Variants in MECOM observed in about 807,000 individuals in gnomAD.
The protein encoded by MECOM is histone-lysine N-methyltransferase MECOM.
A neutral mutation model predicts 116.3 loss-of-function variants in MECOM; 13 were observed. The observed-to-expected ratio is 0.11, with a 90% CI of 0.07 to 0.18. The LOEUF is 0.18. Ranked by LOEUF, MECOM falls within the 10% of genes least tolerant of loss-of-function variation. MECOM has a pLI of 1.00. For synonymous variants in MECOM, 528 were observed against 535.2 expected, an observed-to-expected ratio of 0.99 and a Z score of 0.19; for missense variants, 1,299 against 1,509.0, an observed-to-expected ratio of 0.86 and a Z score of 2.31.
intron 1 of MECOM, among the ~76,000 whole-genome samples, chr3:169,417,975 G>A (rs1409593431): frequency 2.1e-5 from 3 of 146,144 alleles, no homozygotes; most frequent in African/African-American, 7.5e-5. Flanking sequence ...GGGGAGCGGG[G>A]AGGGATAGCA....
At chr3:169,121,011 GA>G in intron 7 of MECOM, 44 bp downstream of exon 7, 1 of 1,554,158 alleles carries the variant, frequency 6.4e-7, no homozygotes, top group Non-Finnish European at 8.7e-7. Context: ...GCCTTTTGGG[GA>G]AGAGACAGAT....
At chr3:169,328,655 T>C (rs1281903825) in intron 2 of MECOM, among the ~76,000 whole-genome samples, 1 of 152,212 alleles carries the variant, frequency 6.6e-6, no homozygotes, top group Non-Finnish European at 1.5e-5. Context: ...GAATTAAATG[T>C]TGTAGAAAAA....
chr3:169,540,027 A>T (rs988549297), intron 1 of MECOM, among the ~76,000 whole-genome samples: 3 of 152,122 alleles, frequency 2.0e-5, no homozygotes, highest in Non-Finnish European at 4.4e-5. Flanking sequence ...AAATGTCTGC[A>T]TGCCAGACTT....
chr3:169,433,414 G>A (rs999496961), intron 1 of MECOM, among the ~76,000 whole-genome samples: 2 of 151,980 alleles, frequency 1.3e-5, no homozygotes, highest in African/African-American at 2.4e-5. Flanking sequence ...GTTGCAGTGA[G>A]CAGAGATCAC....
At chr3:169,268,451 G>A (rs1403417755) in intron 2 of MECOM, among the ~76,000 whole-genome samples, 2 of 152,132 alleles carry the variant, frequency 1.3e-5, no homozygotes, top group Non-Finnish European at 2.9e-5. Flanking sequence ...CTTCTTATAA[G>A]CCTCCAATGA....
At chr3:169,171,374 T>G (rs1048697503) in intron 2 of MECOM, among the ~76,000 whole-genome samples, 2 of 152,194 alleles carry the variant, frequency 1.3e-5, no homozygotes, top group African/African-American at 4.8e-5. Context: ...CCTTTATTCT[T>G]GTTAAAGACA....
At chr3:169,415,136 A>G (rs1266115592) in intron 1 of MECOM, among the ~76,000 whole-genome samples, 4 of 152,210 alleles carry the variant, frequency 2.6e-5, no homozygotes, top group Non-Finnish European at 4.4e-5. Context: ...CCAGAGAGAA[A>G]GGTCAGGTTA....
chr3:169,544,363 CT>C (rs1474796684), intron 1 of MECOM, among the ~76,000 whole-genome samples: 1 of 152,186 alleles, frequency 6.6e-6, no homozygotes, highest in African/African-American at 2.4e-5. Flanking sequence ...AGGCATACTT[CT>C]TTGGGTATAT....
intron 1 of MECOM, among the ~76,000 whole-genome samples, chr3:169,574,481 C>T (rs548647496): frequency 9.9e-5 from 15 of 152,204 alleles, no homozygotes; most frequent in South Asian, 6.2e-4. Context: ...GAAATTTAGC[C>T]GATGCAAAAC....
intron 1 of MECOM, among the ~76,000 whole-genome samples, chr3:169,453,873 T>C (rs1435313888): frequency 2.6e-5 from 4 of 151,968 alleles, no homozygotes; most frequent in Non-Finnish European, 5.9e-5. Flanking sequence ...AAAGCATGCT[T>C]GTGGCAAGAG....
intron 2 of MECOM, among the ~76,000 whole-genome samples, chr3:169,203,140 T>G (rs1749417200): frequency 6.6e-6 from 1 of 152,156 alleles, no homozygotes; most frequent in Non-Finnish European, 1.5e-5. Flanking sequence ...CGCCATTGAT[T>G]AAAACTACAG....
intron 2 of MECOM, among the ~76,000 whole-genome samples, chr3:169,283,446 A>G (rs1712594435): frequency 6.6e-6 from 1 of 152,222 alleles, no homozygotes. Context: ...TTGTATAATA[A>G]GAAAAAAATA....
intron 4 of MECOM, among the ~76,000 whole-genome samples, chr3:169,129,087 C>T (rs1733844117): frequency 6.6e-6 from 1 of 152,024 alleles, no homozygotes; most frequent in Admixed American, 6.6e-5. Context: ...TACTTTAGTC[C>T]AAGAATTCTT....
chr3:169,610,570 C>A (rs143459382), intron 1 of MECOM, among the ~76,000 whole-genome samples: 1 of 151,322 alleles, frequency 6.6e-6, no homozygotes, highest in East Asian at 1.9e-4. Flanking sequence ...AGCACAGAGG[C>A]GTCAAACAAT....
intron 11 of MECOM, among the ~76,000 whole-genome samples, chr3:169,101,571 G>GC (rs1723555951): frequency 6.3e-5 from 1 of 15,978 alleles, no homozygotes; most frequent in South Asian, 2.5e-3. Context: ...AATTTATTTA[G>GC]CAAAAAAAAA....
Position 169,372,447 on chromosome 3 carries a change from C to T in MECOM, c.375+8740G>A, listed in dbSNP as rs371605122. Among the ~76,000 whole-genome samples the T allele has an allele frequency of 7.7e-4, 117 of 152,098 alleles. 2 individuals carry two copies. The South Asian group carries it at 7.9e-3, about 10-fold the overall frequency. ...CTAAGCCACCTAAATTTTTCTTTCA[C>T]GTAAACAAGAAGTTTGTGATCTCTC... On this transcript the variant is annotated intron_variant, in intron 2 of 16. Transcript: ENST00000651503.
chr3:169,516,482 T>G (rs1362961196), intron 1 of MECOM, among the ~76,000 whole-genome samples: 1 of 152,218 alleles, frequency 6.6e-6, no homozygotes, highest in Admixed American at 6.5e-5. Flanking sequence ...TCTGTAAATT[T>G]TTAGCAATAA....
rs147826218 is a variant in MECOM at position 169,377,452 on chromosome 3, A to T, written c.375+3735T>A. 5.3e-4 allele frequency among the ~76,000 whole-genome samples: 81 copies of T among 152,324 alleles called. 1 individual carries two copies. Among genetic ancestry groups the T allele is most frequent in the African/African-American group, 1.8e-3 (76 of 41,588 alleles). ...ACAAAGGGTAATGTCCCAAATCTAG[A>T]CGGAACTTAAACAAATTTACAAATA... is the stretch of plus-strand genomic sequence containing the variant. On this transcript the variant is annotated intron_variant, in intron 2 of 16. Transcript: ENST00000651503.
intron 1 of MECOM, among the ~76,000 whole-genome samples, chr3:169,538,817 C>T (rs146310510): frequency 1.9e-4 from 29 of 152,200 alleles, no homozygotes; most frequent in Non-Finnish European, 3.7e-4. Context: ...AAACTATATT[C>T]TCTTGCCACC....
Sources: gnomAD v4.1 joint callset for allele counts (sites outside exome capture counted in the v4.1 genomes callset) on GRCh38, gnomAD v4.1.1 for gene constraint, MANE v1.5 for transcripts, NCBI Gene and HGNC (gene_info 2026-07-23, HGNC 2026-07-21) for gene names.